The following CRIPT variants were observed in gnomAD, a reference collection of about 807,000 sequenced individuals.
CRIPT encodes the protein CXXC repeat containing interactor of PDZ3 domain.
In CRIPT, 20 loss-of-function variants were observed where a neutral mutation model predicts 16.6. The ratio of observed to expected loss-of-function variants is 1.20; its 90% CI spans 0.85 to 1.75. CRIPT has a LOEUF of 1.75. CRIPT is among the 40% of genes most tolerant of loss of function. The probability of loss-of-function intolerance (pLI) is 0.00; values close to 1 mark genes in which losing one functional copy is unlikely to be tolerated. For missense variants in CRIPT, 133 were observed against 115.3 expected, an observed-to-expected ratio of 1.15 and a Z score of -0.70; for synonymous variants, 42 against 37.0, an observed-to-expected ratio of 1.14 and a Z score of -0.49.
Position 46,625,185 on chromosome 2 carries a change from C to T in CRIPT, c.*958C>T, listed in dbSNP as rs1443123094. 1 of 151,232 alleles carries T rather than the reference C, an allele frequency of 6.6e-6. No individual in the cohort carries two copies. Among genetic ancestry groups the T allele is most frequent in the East Asian group, 1.9e-4 (1 of 5,164 alleles). 9.4% of individuals were successfully genotyped at this position (151,232 alleles called of 1,614,324 possible). A position where few individuals can be genotyped will look rare whatever the true frequency, so the allele number is the denominator to read the frequency against. Reference sequence around the variant, plus strand: ...CTGCTGGGCTCAAGCAATTCTTCCCCCTCAGCCTCCTAAGTAGCTGGGGAC... The same window carrying T: ...CTGCTGGGCTCAAGCAATTCTTCCCTCTCAGCCTCCTAAGTAGCTGGGGAC... On this transcript the variant is annotated 3_prime_UTR_variant, in exon 5 of 5. Transcript: ENST00000238892.
In CRIPT at chr2:46,623,887, G is replaced by A. The variant is rs80325258; in HGVS notation, c.241+20G>A. The A allele has an allele frequency of 3.1e-3, 4,756 of 1,512,850 alleles. 108 individuals are homozygous for A. The African/African-American group carries it at 0.053, about 17-fold the overall frequency. 93.7% of individuals were successfully genotyped at this position (1,512,850 alleles called of 1,614,324 possible). ...AAAAAGGTAAGTTTCTTTTAATACC[G>A]TTTTCTATTCATAAAACCGACTTCA... On this transcript the variant is annotated intron_variant, in intron 4 of 4. Transcript: ENST00000238892.
chr2:46,618,971 G>T, intron 2 of CRIPT, 133 bp downstream of exon 2: 1 of 547,366 alleles, frequency 1.8e-6, no homozygotes. Context: ...AAGAATACTG[G>T]GTCCTCAAGT....
chr2:46,617,390 C>G (rs1475402776), intron 1 of CRIPT, 92 bp downstream of exon 1: 2 of 1,387,610 alleles, frequency 1.4e-6, no homozygotes, highest in African/African-American at 2.9e-5. Flanking sequence ...GTTTTTTCTT[C>G]GCCCACAGGT....
At position 46,629,037 on chromosome 2, in the gene CRIPT, G is replaced by C. The variant is rs978209631; in HGVS notation, c.*4810G>C. Among the ~76,000 whole-genome samples the C allele has an allele frequency of 6.6e-6, 1 of 152,136 alleles. No individual in the cohort carries two copies. Among genetic ancestry groups the C allele is most frequent in the African/African-American group, 2.4e-5 (1 of 41,432 alleles). On this transcript the variant is annotated 3_prime_UTR_variant, in exon 5 of 5. Transcript: ENST00000238892. The stretch of plus-strand genomic sequence containing the variant: ...AAACAAATGCCAATAGAACACTTAA[G>C]TACATTTTATATATTCATCCATTAG...
chr2:46,618,078 A>C (rs1424251537), intron 1 of CRIPT, among the ~76,000 whole-genome samples: 2 of 150,758 alleles, frequency 1.3e-5, no homozygotes, highest in African/African-American at 4.9e-5. Context: ...ATTGCCACAT[A>C]TCCAAATCCT....
Position 46,629,798 on chromosome 2 carries a change from T to C in CRIPT, c.*5571T>C, listed in dbSNP as rs941716049. On this transcript the variant is annotated 3_prime_UTR_variant, in exon 5 of 5. Transcript: ENST00000238892. ...TTATTGTTTTTCCTTTTGCAATTAG[T>C]GGGTAATTTGTGAGGAGAAACTTTG... Among the ~76,000 whole-genome samples the C allele has an allele frequency of 2.0e-5, 3 of 152,234 alleles. No homozygotes were observed. The highest frequency in any genetic ancestry group is 4.4e-5 in the Non-Finnish European group (3 of 68,036).
Position 46,628,112 on chromosome 2 carries a change from CTTTTTTT to C in CRIPT, c.*3894_*3900del, listed in dbSNP as rs778723366. Among the ~76,000 whole-genome samples, 1 of 137,366 alleles carries C rather than the reference CTTTTTTT, an allele frequency of 7.3e-6. No homozygotes were observed. The highest frequency in any genetic ancestry group is 1.6e-5 in the Non-Finnish European group (1 of 63,570). 90.1% of individuals were successfully genotyped at this position (137,366 alleles called of 152,430 possible). A position where few individuals can be genotyped will look rare whatever the true frequency, so the allele number is the denominator to read the frequency against. On this transcript the variant is annotated 3_prime_UTR_variant, in exon 5 of 5. Transcript: ENST00000238892. ...ATATGAATTTTAGAATGGATTTTTT[CTTTTTTT>C]TTTTTTTTGAGACGGAGTCTTGCTG...
At position 46,628,966 on chromosome 2, in the gene CRIPT, TGAAA is replaced by T. The variant is rs1215741036; in HGVS notation, c.*4743_*4746del. On this transcript the variant is annotated 3_prime_UTR_variant, in exon 5 of 5. Transcript: ENST00000238892. The stretch of plus-strand genomic sequence containing the variant: ...TTTATCAAAATAAATGTAAAAGTGA[TGAAA>T]GAATCTGTTAAGATATCAGATTGTA... Among the ~76,000 whole-genome samples, 3 of 152,178 alleles carry T rather than the reference TGAAA, an allele frequency of 2.0e-5. No individual in the cohort carries two copies. Among genetic ancestry groups the T allele is most frequent in the African/African-American group, 2.4e-5 (1 of 41,444 alleles).
intron 3 of CRIPT, among the ~76,000 whole-genome samples, chr2:46,621,665 A>G (rs1245716926): frequency 6.6e-6 from 1 of 152,240 alleles, no homozygotes; most frequent in East Asian, 1.9e-4. Flanking sequence ...AGTAAATACC[A>G]TGTAATATTA....
intron 1 of CRIPT, among the ~76,000 whole-genome samples, chr2:46,617,748 A>C (rs1239210107): frequency 6.6e-6 from 1 of 152,174 alleles, no homozygotes; most frequent in Non-Finnish European, 1.5e-5. Flanking sequence ...GCTTAGAGTA[A>C]GCCCAGAAGA....
rs1671026807 is a variant in CRIPT at position 46,629,770 on chromosome 2, T to C, written c.*5543T>C. Among the ~76,000 whole-genome samples the C allele has an allele frequency of 6.6e-6, 1 of 152,192 alleles. No individual in the cohort carries two copies. The highest frequency in any genetic ancestry group is 2.1e-4 in the South Asian group (1 of 4,820). ...TAAGATGTCCAGTTTCTCCAGTGTA[T>C]CGTTATTGTTTTTCCTTTTGCAATT... On this transcript the variant is annotated 3_prime_UTR_variant, in exon 5 of 5. Transcript: ENST00000238892.
Position 46,626,873 on chromosome 2 carries a change from C to T in CRIPT, c.*2646C>T, listed in dbSNP as rs564219761. ...TTGAGATGGAGTTTCACTGTTGTCA[C>T]CCAGGCTAGAGTGCAATGGCACCAT... On this transcript the variant is annotated 3_prime_UTR_variant, in exon 5 of 5. Coordinates refer to ENST00000238892, the MANE Select transcript of CRIPT (RefSeq NM_014171.6). Among the ~76,000 whole-genome samples the T allele has an allele frequency of 1.3e-5, 2 of 152,142 alleles. No individual in the cohort carries two copies. Among genetic ancestry groups the T allele is most frequent in the South Asian group, 2.1e-4 (1 of 4,820 alleles).
rs924058211 is a variant in CRIPT at position 46,628,765 on chromosome 2, T to C, written c.*4538T>C. Among the ~76,000 whole-genome samples the C allele has an allele frequency of 6.6e-6, 1 of 152,134 alleles. No homozygotes were observed. Among genetic ancestry groups the C allele is most frequent in the Admixed American group, 6.5e-5 (1 of 15,274 alleles). ...TCATAAATTGAATAGAAGTATTTAC[T>C]AGATGAGGAGGAAAACCCTAAAACA... is the stretch of plus-strand genomic sequence containing the variant. On this transcript the variant is annotated 3_prime_UTR_variant, in exon 5 of 5. Transcript: ENST00000238892.
chr2:46,623,822 C>T lies in CRIPT; in HGVS notation c.196C>T (p.His66Tyr), dbSNP rs1670869533. The T allele has an allele frequency of 6.2e-7, 1 of 1,610,540 alleles. No individual in the cohort carries two copies. Among genetic ancestry groups the T allele is most frequent in the South Asian group, 1.1e-5 (1 of 90,676 alleles). ...TTGTAGAATTTGTAAAAGTTCTGTG[C>T]ACCAACCAGGTTCTCATTACTGCCA... The part of the protein sequence containing the change: ...STCRICKSSV[H>Y]QPGSHYCQGC... The change falls in exon 4 of 5, where the codon CAC (histidine) becomes TAC (tyrosine). Residue 66 changes from histidine to tyrosine, a missense_variant. Physicochemically the swap from His to Tyr is moderately conservative, Grantham distance 83 (BLOSUM62 2). Transcript: ENST00000238892.
intron 4 of CRIPT, 27 bp downstream of exon 4, chr2:46,623,894 A>G (rs1572796240): frequency 3.3e-6 from 5 of 1,493,836 alleles, no homozygotes; most frequent in East Asian, 2.3e-5. Context: ...ACCGTTTTCT[A>G]TTCATAAAAC....
In CRIPT at chr2:46,627,456, T is replaced by C. The variant is rs913629291; in HGVS notation, c.*3229T>C. Among the ~76,000 whole-genome samples the C allele has an allele frequency of 2.8e-4, 43 of 151,600 alleles. No homozygotes were observed. Among genetic ancestry groups the C allele is most frequent in the South Asian group, 1.0e-3 (5 of 4,804 alleles). ...ACATTTAAATCTTTTTTTTTTTTTT[T>C]CCCCAAAGACAGAGTCTCCTTCTGT... On this transcript the variant is annotated 3_prime_UTR_variant, in exon 5 of 5. Coordinates refer to ENST00000238892, the MANE Select transcript of CRIPT (RefSeq NM_014171.6).
chr2:46,617,662 C>T (rs1325031894), intron 1 of CRIPT, among the ~76,000 whole-genome samples: 1 of 152,148 alleles, frequency 6.6e-6, no homozygotes. Flanking sequence ...TGTTCTCCTG[C>T]CAAATGCTAG....
rs528338395 is a variant in CRIPT, at chr2:46,627,275, G to A, written c.*3048G>A. Among the ~76,000 whole-genome samples, 6 of 151,978 alleles carry A rather than the reference G, an allele frequency of 3.9e-5. 1 individual carries two copies. In the East Asian group the frequency reaches 5.8e-4, roughly 15 times the overall value. On this transcript the variant is annotated 3_prime_UTR_variant, in exon 5 of 5. Transcript: ENST00000238892. ...TTACTGTATTGATAGTTCCTTTTGCGGTGCAGAAGCTCTTTAGTTTGATTA... is the reference window on the plus strand; with the variant it reads ...TTACTGTATTGATAGTTCCTTTTGCAGTGCAGAAGCTCTTTAGTTTGATTA...
At chr2:46,624,030 T>TAC in intron 4 of CRIPT, 133 bp from the exon 5 acceptor site, 2 of 391,278 alleles carry the variant, frequency 5.1e-6, no homozygotes, top group Non-Finnish European at 8.4e-6. Context: ...TAAAATTATA[T>TAC]ATATATATAT....
Sources: allele counts gnomAD v4.1 joint callset (sites outside exome capture counted in the v4.1 genomes callset), GRCh38; gene constraint gnomAD v4.1.1; transcripts MANE v1.5; gene names NCBI Gene and HGNC (gene_info 2026-07-23, HGNC 2026-07-21).